Variants in CNGB3 observed in about 807,000 individuals in gnomAD.
CNGB3 encodes cyclic nucleotide gated channel subunit beta 3.
Under a neutral mutation model 92.8 loss-of-function variants are expected in CNGB3, and 86 were observed. The ratio of observed to expected loss-of-function variants is 0.93; its 90% CI spans 0.78 to 1.11. CNGB3 has a LOEUF of 1.11. CNGB3 is among the 50% of genes least tolerant of loss of function. CNGB3 has a pLI of 0.00. For synonymous variants in CNGB3, 333 were observed against 332.7 expected, an observed-to-expected ratio of 1.00 and a Z score of -0.01; for missense variants, 1,026 against 956.8, an observed-to-expected ratio of 1.07 and a Z score of -0.95.
At chr8:86,622,711 G>C (rs1351288217) in intron 13 of CNGB3, among the ~76,000 whole-genome samples, 1 of 152,148 alleles carries the variant, frequency 6.6e-6, no homozygotes, top group Non-Finnish European at 1.5e-5. Flanking sequence ...CATGGAACCT[G>C]GCCTGCAATA....
intron 2 of CNGB3, among the ~76,000 whole-genome samples, chr8:86,739,088 T>A (rs1414001819): frequency 3.9e-5 from 6 of 152,180 alleles, no homozygotes; most frequent in African/African-American, 1.4e-4. Context: ...TACCGTCGTG[T>A]ACATCTAGTG....
intron 13 of CNGB3, among the ~76,000 whole-genome samples, chr8:86,619,179 G>C (rs908147777): frequency 6.6e-6 from 1 of 152,190 alleles, no homozygotes; most frequent in East Asian, 1.9e-4. Flanking sequence ...TCTAATGCAC[G>C]CCACTAGGTG....
intron 3 of CNGB3, among the ~76,000 whole-genome samples, chr8:86,689,407 C>T (rs548437979): frequency 6.6e-6 from 1 of 151,420 alleles, no homozygotes; most frequent in African/African-American, 2.4e-5. Context: ...TGTATTGGGG[C>T]CTATCTTTCT....
chr8:86,580,823 C>G (rs1821749003), intron 15 of CNGB3, among the ~76,000 whole-genome samples: 1 of 152,198 alleles, frequency 6.6e-6, no homozygotes, highest in Admixed American at 6.5e-5. Context: ...GATAACACAA[C>G]AGATTGAACC....
At chr8:86,585,790 G>T (rs890034150) in intron 15 of CNGB3, among the ~76,000 whole-genome samples, 1 of 152,064 alleles carries the variant, frequency 6.6e-6, no homozygotes, top group Non-Finnish European at 1.5e-5. Flanking sequence ...ACAACAATAA[G>T]CTTGCTAGGA....
intron 17 of CNGB3, among the ~76,000 whole-genome samples, chr8:86,577,012 CA>C (rs1821673930): frequency 1.3e-5 from 2 of 152,126 alleles, no homozygotes; most frequent in African/African-American, 4.8e-5. Flanking sequence ...CCCATTTCTA[CA>C]GTTTTAGAGA....
intron 15 of CNGB3, among the ~76,000 whole-genome samples, chr8:86,600,032 T>A (rs1472850116): frequency 6.6e-6 from 1 of 152,190 alleles, no homozygotes; most frequent in Non-Finnish European, 1.5e-5. Context: ...GACACCCAAC[T>A]TTAAAATTTC....
Position 86,611,649 on chromosome 8 carries a change from T to A in CNGB3, c.1601A>T (p.Tyr534Phe). ...LFKGCDTQMI[Y>F]DMLLRLKSVL... is the part of the protein sequence containing the mutation. The stretch of plus-strand genomic sequence containing the variant: ...GGATTTCAATCTTAGCAACATGTCA[T>A]AAATCATCTGTGTATCACAACCCTA... Residue 534 changes from tyrosine to phenylalanine, a missense_variant, in exon 14 of 18, where the codon TAT (tyrosine) becomes TTT (phenylalanine). By Grantham distance (22) the Tyr-to-Phe change is conservative. Coordinates refer to ENST00000320005, the MANE Select transcript of CNGB3 (RefSeq NM_019098.5). The A allele has an allele frequency of 1.2e-6, 2 of 1,613,116 alleles. No individual in the cohort carries two copies. Among genetic ancestry groups the A allele is most frequent in the Non-Finnish European group, 1.7e-6 (2 of 1,179,250 alleles).
chr8:86,574,756 A>G lies in CNGB3; in HGVS notation c.*1048T>C, dbSNP rs985777719. ...AGCCTGGCCTTTGTAGCCTCCTCAC[A>G]GCATGCAACGTCGGTAATTATGCTA... On this transcript the variant is annotated 3_prime_UTR_variant, in exon 18 of 18. Coordinates refer to ENST00000320005, the MANE Select transcript of CNGB3 (RefSeq NM_019098.5). 2.6e-5 allele frequency: 4 copies of G among 152,192 alleles called. No homozygotes were observed. The highest frequency in any genetic ancestry group is 5.9e-5 in the Non-Finnish European group (4 of 68,026). The allele number at this position is 152,192 out of a possible 1,614,324, so 9.4% of individuals were successfully genotyped here.
intron 6 of CNGB3, among the ~76,000 whole-genome samples, chr8:86,655,386 A>T (rs1345007641): frequency 6.6e-6 from 1 of 152,048 alleles, no homozygotes; most frequent in Non-Finnish European, 1.5e-5. Context: ...TCTGTTTTCC[A>T]CTCACTTCCC....
chr8:86,694,233 C>A (rs1824392534), intron 3 of CNGB3, among the ~76,000 whole-genome samples: 2 of 143,184 alleles, frequency 1.4e-5, no homozygotes, highest in African/African-American at 2.6e-5. Context: ...GGCTGACCCC[C>A]CCACCTCCCT....
chr8:86,653,162 ATTAAT>A (rs1211187668), intron 7 of CNGB3, among the ~76,000 whole-genome samples: 13 of 152,250 alleles, frequency 8.5e-5, no homozygotes, highest in Middle Eastern at 3.4e-3. Context: ...AAATATATAA[ATTAAT>A]TTAGTCCTTA....
chr8:86,610,349 T>C (rs930592985), intron 14 of CNGB3, among the ~76,000 whole-genome samples: 3 of 152,216 alleles, frequency 2.0e-5, no homozygotes, highest in African/African-American at 7.2e-5. Flanking sequence ...CTAAAATTGT[T>C]CTAACATTTA....
chr8:86,652,651 C>T (rs751952060), intron 7 of CNGB3, among the ~76,000 whole-genome samples: 1 of 151,884 alleles, frequency 6.6e-6, no homozygotes, highest in Non-Finnish European at 1.5e-5. Context: ...TAGGCTTACA[C>T]AGGGTCAGGA....
chr8:86,652,506 ACACT>A (rs1823425714), intron 7 of CNGB3, among the ~76,000 whole-genome samples: 1 of 152,040 alleles, frequency 6.6e-6, no homozygotes, highest in Non-Finnish European at 1.5e-5. Flanking sequence ...TTAGCTTAAA[ACACT>A]CATTGTGCAG....
intron 3 of CNGB3, among the ~76,000 whole-genome samples, chr8:86,671,587 C>T (rs1360355047): frequency 6.6e-6 from 1 of 152,212 alleles, no homozygotes; most frequent in Non-Finnish European, 1.5e-5. Context: ...TAGAGTTTCT[C>T]CAGCTGCTGA....
intron 15 of CNGB3, among the ~76,000 whole-genome samples, chr8:86,587,485 T>A (rs1185162596): frequency 1.3e-5 from 2 of 152,192 alleles, no homozygotes; most frequent in Non-Finnish European, 2.9e-5. Flanking sequence ...AACGTTTAAG[T>A]CTTTAATCCA....
At chr8:86,588,584 T>G (rs1430034357) in intron 15 of CNGB3, among the ~76,000 whole-genome samples, 1 of 151,578 alleles carries the variant, frequency 6.6e-6, no homozygotes, top group Non-Finnish European at 1.5e-5. Flanking sequence ...TTTCTGCATC[T>G]ATTGAGATAA....
chr8:86,584,928 G>A (rs1821863373), intron 15 of CNGB3, among the ~76,000 whole-genome samples: 1 of 152,102 alleles, frequency 6.6e-6, no homozygotes, highest in African/African-American at 2.4e-5. Flanking sequence ...ATTAAAGCAT[G>A]GTATGGTTTT....
Sources: gnomAD v4.1 joint callset for allele counts (sites outside exome capture counted in the v4.1 genomes callset) on GRCh38, gnomAD v4.1.1 for gene constraint, MANE v1.5 for transcripts, NCBI Gene and HGNC (gene_info 2026-07-23, HGNC 2026-07-21) for gene names.